Variants in CNBD1 observed in about 807,000 individuals in gnomAD.
CNBD1 encodes the protein cyclic nucleotide binding domain containing 1.
In CNBD1, 71 loss-of-function variants were observed where a neutral mutation model predicts 54.4. The observed-to-expected ratio is 1.30, with a 90% CI of 1.08 to 1.59. The LOEUF is 1.59. Ranked by LOEUF, CNBD1 falls within the 40% of genes most tolerant of loss-of-function variation. CNBD1 has a pLI of 0.00. For missense variants in CNBD1, 659 were observed against 518.0 expected, an observed-to-expected ratio of 1.27 and a Z score of -2.64; for synonymous variants, 182 against 170.7, an observed-to-expected ratio of 1.07 and a Z score of -0.51.
intron 2 of CNBD1, among the ~76,000 whole-genome samples, chr8:86,899,181 A>T (rs572680744): frequency 2.0e-5 from 3 of 152,276 alleles, no homozygotes; most frequent in Non-Finnish European, 4.4e-5. Flanking sequence ...AAGGGAGGAA[A>T]TGGGGAGATG....
At chr8:87,077,629 T>C (rs144352749) in intron 4 of CNBD1, among the ~76,000 whole-genome samples, 5,030 of 144,288 alleles carry the variant, frequency 0.035, 301 homozygotes, top group African/African-American at 0.12. Flanking sequence ...CAAGTGTTCT[T>C]GTTGTTCAAT....
At chr8:87,199,539 A>G (rs138073221) in intron 4 of CNBD1, among the ~76,000 whole-genome samples, 1,960 of 152,326 alleles carry the variant, frequency 0.013, 58 homozygotes, top group African/African-American at 0.045. Context: ...TGTGATAAGA[A>G]CACTTCACAT....
intron 4 of CNBD1, among the ~76,000 whole-genome samples, chr8:87,051,576 T>G (rs957595840): frequency 2.0e-5 from 3 of 152,208 alleles, no homozygotes; most frequent in Non-Finnish European, 2.9e-5. Flanking sequence ...GATTATAGAT[T>G]AACTAAAAAT....
chr8:87,237,313 G>T (rs972286742), intron 6 of CNBD1: 1 of 384,244 alleles, frequency 2.6e-6, no homozygotes, highest in Non-Finnish European at 4.6e-6. Flanking sequence ...AACAGCATCT[G>T]ACCACTGGCA....
chr8:86,957,527 G>C (rs1245485414), intron 4 of CNBD1, among the ~76,000 whole-genome samples: 1 of 152,096 alleles, frequency 6.6e-6, no homozygotes, highest in Admixed American at 6.6e-5. Flanking sequence ...GGTCTATTCA[G>C]GGATTCAACT....
At chr8:87,270,206 A>G (rs1020199834) in intron 6 of CNBD1, among the ~76,000 whole-genome samples, 1 of 152,034 alleles carries the variant, frequency 6.6e-6, no homozygotes, top group Non-Finnish European at 1.5e-5. Context: ...ATAAAATTCA[A>G]CATTTCTTCA....
At chr8:86,962,089 T>C (rs1489725330) in intron 4 of CNBD1, among the ~76,000 whole-genome samples, 1 of 150,584 alleles carries the variant, frequency 6.6e-6, no homozygotes, top group Non-Finnish European at 1.5e-5. Context: ...TCCCTGGCAC[T>C]CCATGAGGAA....
chr8:87,161,755 A>G (rs1812863048), intron 4 of CNBD1, among the ~76,000 whole-genome samples: 1 of 152,134 alleles, frequency 6.6e-6, no homozygotes, highest in Admixed American at 6.6e-5. Flanking sequence ...TACAAAAGTA[A>G]TTCAACTTAT....
At chr8:87,109,251 T>C (rs1315624945) in intron 4 of CNBD1, among the ~76,000 whole-genome samples, 1 of 152,184 alleles carries the variant, frequency 6.6e-6, no homozygotes, top group Non-Finnish European at 1.5e-5. Flanking sequence ...GGGCAGTTCT[T>C]CTAATTCATA....
chr8:87,010,865 C>T (rs1809205592), intron 4 of CNBD1, among the ~76,000 whole-genome samples: 1 of 152,062 alleles, frequency 6.6e-6, no homozygotes, highest in African/African-American at 2.4e-5. Context: ...TGTCTGATTT[C>T]CTTGTAGGTG....
At chr8:87,375,213 C>T (rs1810901698) in intron 10 of CNBD1, among the ~76,000 whole-genome samples, 1 of 151,638 alleles carries the variant, frequency 6.6e-6, no homozygotes, top group South Asian at 2.1e-4. Context: ...GTAATTAATG[C>T]ACTTTCACAA....
At chr8:87,394,736 T>A (rs1356668518) in intron 2 of CNBD1, among the ~76,000 whole-genome samples, 1 of 151,986 alleles carries the variant, frequency 6.6e-6, no homozygotes, top group Non-Finnish European at 1.5e-5. Flanking sequence ...TCTTTATTTT[T>A]TAACAAATTG....
Position 87,191,788 on chromosome 8 carries a change from C to T in CNBD1, c.432-14205C>T, listed in dbSNP as rs182001416. On this transcript the variant is annotated intron_variant, in intron 4 of 10. Transcript: ENST00000518476. ...GTGTGGACCCAGCAGCATCTTGACA[C>T]GAAGTAACAGGGCTTATAGCTACCT... Among the ~76,000 whole-genome samples the T allele has an allele frequency of 5.2e-3, 796 of 152,232 alleles. 4 individuals are homozygous for T. The highest frequency in any genetic ancestry group is 8.1e-3 in the Non-Finnish European group (552 of 68,012).
intron 3 of CNBD1, among the ~76,000 whole-genome samples, chr8:86,913,263 C>T (rs1482967061): frequency 6.6e-6 from 1 of 152,182 alleles, no homozygotes; most frequent in Non-Finnish European, 1.5e-5. Context: ...ACTTCCACTA[C>T]TGCAGGCTCC....
chr8:86,936,244 C>T (rs904318294), intron 3 of CNBD1, among the ~76,000 whole-genome samples: 33 of 152,116 alleles, frequency 2.2e-4, no homozygotes, highest in Admixed American at 8.5e-4. Context: ...GGGAGAGCTA[C>T]GTAATATAGC....
At chr8:87,350,666 A>C (rs1810267899) in intron 8 of CNBD1, among the ~76,000 whole-genome samples, 1 of 152,056 alleles carries the variant, frequency 6.6e-6, no homozygotes, top group African/African-American at 2.4e-5. Flanking sequence ...TGTTTTTGAT[A>C]GTTTATATAC....
intron 5 of CNBD1, among the ~76,000 whole-genome samples, chr8:87,215,630 T>TATTC (rs1475692494): frequency 6.6e-6 from 1 of 151,564 alleles, no homozygotes; most frequent in Non-Finnish European, 1.5e-5. Context: ...ATGATAAAAG[T>TATTC]ATTCTAACGT....
downstream of CNBD1, among the ~76,000 whole-genome samples, chr8:87,387,255 A>G (rs776346335): frequency 5.9e-5 from 9 of 152,168 alleles, no homozygotes; most frequent in Non-Finnish European, 1.0e-4. Context: ...ACACATAACA[A>G]TATTAACCTT....
chr8:87,262,175 CA>C (rs1225326333), intron 6 of CNBD1, among the ~76,000 whole-genome samples: 4 of 151,780 alleles, frequency 2.6e-5, no homozygotes, highest in Admixed American at 2.6e-4. Context: ...CAAAACAAAA[CA>C]AAAAACACAA....
Sources: allele counts gnomAD v4.1 joint callset (sites outside exome capture counted in the v4.1 genomes callset), GRCh38; gene constraint gnomAD v4.1.1; transcripts MANE v1.5; gene names NCBI Gene and HGNC (gene_info 2026-07-23, HGNC 2026-07-21).